ANKS1B: variants seen among roughly 807,000 people sequenced by gnomAD.
The protein encoded by ANKS1B is ankyrin repeat and sterile alpha motif domain-containing protein 1B.
Under a neutral mutation model 148.3 loss-of-function variants are expected in ANKS1B, and 36 were observed. The ratio of observed to expected loss-of-function variants is 0.24; its 90% CI spans 0.19 to 0.32. The LOEUF (loss-of-function observed/expected upper bound fraction) is 0.32. Among genes scored for constraint, ANKS1B ranks in the 10% least tolerant of loss-of-function variants. ANKS1B has a pLI of 1.00. For synonymous variants in ANKS1B, 542 were observed against 560.8 expected (o/e 0.97, Z 0.47); for missense variants, 1,157 against 1,542.6 (o/e 0.75, Z 4.19).
chr12:99,170,737 C>A (rs1196167702), intron 14 of ANKS1B, among the ~76,000 whole-genome samples: 2 of 152,092 alleles, frequency 1.3e-5, no homozygotes, highest in African/African-American at 4.8e-5. Flanking sequence ...AGAATTCCCA[C>A]ACCCATGATG....
At chr12:99,959,039 A>C (rs1024923952) in intron 1 of ANKS1B, among the ~76,000 whole-genome samples, 7 of 148,950 alleles carry the variant, frequency 4.7e-5, no homozygotes. Context: ...ATAATTTTTA[A>C]AACCAAAGAA....
intron 11 of ANKS1B, among the ~76,000 whole-genome samples, chr12:99,423,291 C>G (rs1238406236): frequency 6.6e-6 from 1 of 152,060 alleles, no homozygotes; most frequent in Admixed American, 6.6e-5. Flanking sequence ...GAGATATCAC[C>G]TCACACCAGT....
chr12:99,938,980 C>T (rs1440484712), intron 1 of ANKS1B, among the ~76,000 whole-genome samples: 1 of 152,136 alleles, frequency 6.6e-6, no homozygotes, highest in African/African-American at 2.4e-5. Flanking sequence ...ATATATGCCT[C>T]CTATTTTCTT....
At chr12:99,217,291 G>C (rs182226928) in intron 14 of ANKS1B, among the ~76,000 whole-genome samples, 1 of 151,534 alleles carries the variant, frequency 6.6e-6, no homozygotes, top group East Asian at 1.9e-4. Context: ...CTCATAAAAA[G>C]GCTTCTTCTG....
intron 1 of ANKS1B, among the ~76,000 whole-genome samples, chr12:99,864,702 T>G (rs912978581): frequency 6.6e-6 from 1 of 152,208 alleles, no homozygotes; most frequent in Non-Finnish European, 1.5e-5. Flanking sequence ...GACAGCTTTT[T>G]GAGCTGTGAA....
chr12:99,143,337 G>A (rs771053025), intron 15 of ANKS1B, among the ~76,000 whole-genome samples: 11 of 151,870 alleles, frequency 7.2e-5, no homozygotes, highest in Non-Finnish European at 1.6e-4. Context: ...GAGTTGCAAG[G>A]GCTCTTGTTC....
intron 17 of ANKS1B, among the ~76,000 whole-genome samples, chr12:98,845,979 T>TAC (rs67641647): frequency 1.1e-3 from 129 of 120,628 alleles, no homozygotes; most frequent in South Asian, 3.4e-3. Flanking sequence ...TATATATATA[T>TAC]ACACACACAC....
chr12:99,669,578 G>C (rs1442352542), intron 8 of ANKS1B, among the ~76,000 whole-genome samples: 1 of 152,194 alleles, frequency 6.6e-6, no homozygotes, highest in Non-Finnish European at 1.5e-5. Flanking sequence ...GTAGTTACTT[G>C]AATGATTGTT....
At chr12:99,392,046 C>T (rs2094090977) in intron 12 of ANKS1B, among the ~76,000 whole-genome samples, 2 of 152,298 alleles carry the variant, frequency 1.3e-5, no homozygotes, top group African/African-American at 2.4e-5. Context: ...GAAAACAGGT[C>T]CCAAAGATGT....
chr12:99,260,536 A>T (rs1401539805), intron 12 of ANKS1B, among the ~76,000 whole-genome samples: 1 of 152,232 alleles, frequency 6.6e-6, no homozygotes, highest in Non-Finnish European at 1.5e-5. Flanking sequence ...GATACACCAT[A>T]GAAAATATAC....
chr12:99,181,807 C>T (rs116164644), intron 14 of ANKS1B, among the ~76,000 whole-genome samples: 2,273 of 151,888 alleles, frequency 0.015, 64 homozygotes, highest in African/African-American at 0.052. Flanking sequence ...AGTCCAAGTA[C>T]ACTCTTTTAG....
At chr12:99,282,873 G>A (rs975768053) in intron 12 of ANKS1B, among the ~76,000 whole-genome samples, 1 of 152,126 alleles carries the variant, frequency 6.6e-6, no homozygotes, top group African/African-American at 2.4e-5. Context: ...CAAGTAGGCA[G>A]CTGAATACAA....
At chr12:99,738,584 G>A (rs1482991963) in intron 8 of ANKS1B, among the ~76,000 whole-genome samples, 2 of 152,108 alleles carry the variant, frequency 1.3e-5, no homozygotes, top group Non-Finnish European at 2.9e-5. Flanking sequence ...GACTGAATAT[G>A]CACAATTCTC....
At chr12:98,983,373 T>C (rs2099917939) in intron 17 of ANKS1B, among the ~76,000 whole-genome samples, 1 of 152,154 alleles carries the variant, frequency 6.6e-6, no homozygotes. Flanking sequence ...CCCCCTCCAC[T>C]TATCAATGGA....
intron 15 of ANKS1B, among the ~76,000 whole-genome samples, chr12:99,096,383 T>A (rs111874032): frequency 4.7e-4 from 71 of 152,100 alleles, no homozygotes; most frequent in East Asian, 1.5e-3. Context: ...AAAAAAAAAA[T>A]TTTTCCACAT....
At position 99,330,515 on chromosome 12, in the gene ANKS1B, A is replaced by G. The variant is rs567436446; in HGVS notation, c.1756+69116T>C. On this transcript the variant is annotated intron_variant, in intron 12 of 26. Transcript: ENST00000683438. ...TCGACAACTTTGTGATTGTTCTATA[A>G]AACAAATATTACATTTCCCTCCAAA... 3.4e-4 allele frequency among the ~76,000 whole-genome samples: 52 copies of G among 152,126 alleles called. No individual in the cohort carries two copies. The South Asian group carries it at 0.01, about 30-fold the overall frequency.
intron 20 of ANKS1B, among the ~76,000 whole-genome samples, chr12:98,805,735 C>A (rs921702810): frequency 1.3e-5 from 2 of 152,318 alleles, no homozygotes; most frequent in African/African-American, 4.8e-5. Flanking sequence ...TTCACATGCA[C>A]TGGACACCTA....
At chr12:99,390,096 T>G (rs2094006599) in intron 12 of ANKS1B, among the ~76,000 whole-genome samples, 1 of 152,210 alleles carries the variant, frequency 6.6e-6, no homozygotes, top group African/African-American at 2.4e-5. Flanking sequence ...GCTCTGCTTG[T>G]TGCCTAGATC....
rs1004784392 is a variant in ANKS1B at position 99,885,585 on chromosome 12, G to C, written c.135-60196C>G. Among the ~76,000 whole-genome samples the C allele has an allele frequency of 4.6e-5, 7 of 152,236 alleles. No homozygotes were observed. In the East Asian group the frequency reaches 9.7e-4, roughly 21 times the overall value. ...CCCAAAGTGCTGGGATTACAGGCTT[G>C]AGCCACCGCGCCCGGTCTTTTTTTT... On this transcript the variant is annotated intron_variant, in intron 1 of 26. Coordinates refer to ENST00000683438, the MANE Select transcript of ANKS1B (RefSeq NM_001352186.2).
Sources: gnomAD v4.1 joint callset for allele counts (sites outside exome capture counted in the v4.1 genomes callset) on GRCh38, gnomAD v4.1.1 for gene constraint, MANE v1.5 for transcripts, NCBI Gene and HGNC (gene_info 2026-07-23, HGNC 2026-07-21) for gene names.